ERC2: variants seen among roughly 807,000 people sequenced by gnomAD.
The protein encoded by ERC2 is ERC protein 2.
ERC2 carries 42 observed loss-of-function variants against 114.8 expected under a neutral mutation model. The observed-to-expected ratio is 0.37, with a 90% confidence interval of 0.29 to 0.47. The LOEUF is 0.47. ERC2 is among the 20% of genes least tolerant of loss of function. The pLI, the probability that ERC2 is intolerant of heterozygous loss-of-function variation, is 0.99. For synonymous variants in ERC2, 454 were observed against 425.5 expected (o/e 1.07, Z -0.82); for missense variants, 939 against 1,150.7 (o/e 0.82, Z 2.66).
intron 14 of ERC2, among the ~76,000 whole-genome samples, chr3:55,747,765 A>C (rs1047279874): frequency 1.3e-5 from 2 of 152,252 alleles, no homozygotes; most frequent in African/African-American, 4.8e-5. Flanking sequence ...AATGACCACA[A>C]ATTAATTTCA....
At chr3:56,114,956 C>T (rs547210576) in intron 6 of ERC2, among the ~76,000 whole-genome samples, 9 of 152,306 alleles carry the variant, frequency 5.9e-5, no homozygotes, top group Admixed American at 1.3e-4. Flanking sequence ...GCTCAGGAAT[C>T]ATGCAGCCAG....
In ERC2 at chr3:56,296,111, G is replaced by A. The variant is rs143061850; in HGVS notation, c.982C>T (p.Arg328Ter). 3 of 1,613,924 alleles carry A rather than the reference G, an allele frequency of 1.9e-6. No individual in the cohort carries two copies. The highest frequency in any genetic ancestry group is 1.3e-5 in the African/African-American group (1 of 75,042). Residue 328 changes from arginine to a stop codon, truncating the protein, a stop_gained, in exon 3 of 18, where the codon CGA becomes TGA. Transcript: ENST00000288221. LOFTEE classifies it high-confidence loss of function. ...PSKSLEDDNERTRRMAEAESQ... is the reference protein window; with the variant it reads ...PSKSLEDDNE ...TCAGCCTCTGCCATCCGCCGCGTTCGCTCATTGTCATCCTCCAGGCTTTTG... is the reference window on the plus strand; with the variant it reads ...TCAGCCTCTGCCATCCGCCGCGTTCACTCATTGTCATCCTCCAGGCTTTTG...
chr3:55,685,691 T>A (rs535068376), intron 16 of ERC2, among the ~76,000 whole-genome samples: 43 of 152,150 alleles, frequency 2.8e-4, no homozygotes, highest in Non-Finnish European at 5.6e-4. Flanking sequence ...CTAGCTTTCA[T>A]CATATGATTC....
intron 3 of ERC2, among the ~76,000 whole-genome samples, chr3:56,293,203 A>G (rs1163733901): frequency 6.6e-6 from 1 of 152,246 alleles, no homozygotes; most frequent in Non-Finnish European, 1.5e-5. Context: ...AAGCTGACAC[A>G]TACAGATGCT....
chr3:55,829,192 A>G (rs1403825862), intron 14 of ERC2, among the ~76,000 whole-genome samples: 1 of 152,204 alleles, frequency 6.6e-6, no homozygotes, highest in Non-Finnish European at 1.5e-5. Context: ...TTTGAAAGGA[A>G]AAGATGATCA....
chr3:56,026,615 T>A (rs188729359), intron 7 of ERC2, among the ~76,000 whole-genome samples: 100 of 152,316 alleles, frequency 6.6e-4, no homozygotes, highest in African/African-American at 2.4e-3. Flanking sequence ...AGCTTTCTTT[T>A]TGACATTTTA....
At chr3:55,769,652 A>G (rs1436015126) in intron 14 of ERC2, among the ~76,000 whole-genome samples, 1 of 152,156 alleles carries the variant, frequency 6.6e-6, no homozygotes, top group Non-Finnish European at 1.5e-5. Context: ...CAGCAATTTC[A>G]TTGGGTTCAA....
At chr3:55,620,234 T>C (rs1189325120) in intron 17 of ERC2, among the ~76,000 whole-genome samples, 3 of 152,210 alleles carry the variant, frequency 2.0e-5, no homozygotes, top group Non-Finnish European at 2.9e-5. Flanking sequence ...GGCTTTGTTA[T>C]GATTTTTGCT....
rs555695056 is a variant in ERC2, at chr3:55,822,992, C to T, written c.2564+65397G>A. ...CTTCTTTTTCTTCATTCGCCAATCA[C>T]ACATGGCTTTGCCAATATCATCTGG... On this transcript the variant is annotated intron_variant, in intron 14 of 17. Coordinates refer to ENST00000288221, the MANE Select transcript of ERC2 (RefSeq NM_015576.3). 5.3e-5 allele frequency among the ~76,000 whole-genome samples: 8 copies of T among 152,304 alleles called. No homozygotes were observed. The South Asian group carries it at 8.3e-4, about 16-fold the overall frequency.
intron 17 of ERC2, among the ~76,000 whole-genome samples, chr3:55,640,825 C>T (rs909497425): frequency 6.6e-6 from 1 of 152,188 alleles, no homozygotes; most frequent in Admixed American, 6.5e-5. Context: ...CTGTTCATTA[C>T]TCAGTACAAT....
chr3:56,311,251 C>CTATATATATATA (rs1223217065), intron 2 of ERC2, among the ~76,000 whole-genome samples: 1 of 42,778 alleles, frequency 2.3e-5, no homozygotes, highest in African/African-American at 7.4e-5. Context: ...CTCTCTCTCT[C>CTATATATATATA]TCTCTATATA....
chr3:56,439,499 C>G (rs1434905619), intron 1 of ERC2, among the ~76,000 whole-genome samples: 2 of 152,174 alleles, frequency 1.3e-5, no homozygotes, highest in Admixed American at 1.3e-4. Flanking sequence ...TATCTTTTCA[C>G]TTTTTCACTA....
chr3:56,341,893 A>T (rs2058103087), intron 2 of ERC2, among the ~76,000 whole-genome samples: 2 of 152,196 alleles, frequency 1.3e-5, no homozygotes, highest in Non-Finnish European at 2.9e-5. Flanking sequence ...AGGGAAGGGC[A>T]TCCTGGGAGG....
chr3:55,540,586 C>T (rs904131106), intron 17 of ERC2, among the ~76,000 whole-genome samples: 8 of 152,118 alleles, frequency 5.3e-5, no homozygotes, highest in African/African-American at 9.7e-5. Flanking sequence ...CCTTCTTGTC[C>T]GGGATCTTAG....
At chr3:55,563,966 G>A (rs868399995) in intron 17 of ERC2, among the ~76,000 whole-genome samples, 2 of 152,210 alleles carry the variant, frequency 1.3e-5, no homozygotes, top group African/African-American at 4.8e-5. Flanking sequence ...TATTTGCAGC[G>A]TGATCAAGAC....
chr3:56,119,791 A>T (rs573172473), intron 6 of ERC2, among the ~76,000 whole-genome samples: 2 of 152,348 alleles, frequency 1.3e-5, no homozygotes, highest in South Asian at 4.1e-4. Flanking sequence ...GGTAGTTCAC[A>T]GCGCTGCAAT....
intron 17 of ERC2, among the ~76,000 whole-genome samples, chr3:55,566,084 C>T (rs145040358): frequency 7.8e-4 from 119 of 152,286 alleles, no homozygotes; most frequent in African/African-American, 2.7e-3. Flanking sequence ...GACTTTCACT[C>T]TATGATGGAC....
At chr3:55,624,550 C>G (rs1559759484) in intron 17 of ERC2, among the ~76,000 whole-genome samples, 3 of 152,176 alleles carry the variant, frequency 2.0e-5, no homozygotes, top group Non-Finnish European at 4.4e-5. Context: ...ACAGGCTGGC[C>G]TTGGCCAGTG....
intron 2 of ERC2, among the ~76,000 whole-genome samples, chr3:56,342,837 T>A (rs114282734): frequency 0.024 from 3,588 of 152,216 alleles, 44 homozygotes; most frequent in South Asian, 0.072. Context: ...ATCTGAGAAA[T>A]GATGGTCTGT....
Sources: allele counts gnomAD v4.1 joint callset (sites outside exome capture counted in the v4.1 genomes callset), GRCh38; gene constraint gnomAD v4.1.1; transcripts MANE v1.5; gene names NCBI Gene and HGNC (gene_info 2026-07-23, HGNC 2026-07-21).